GRM5: variants seen among roughly 807,000 people sequenced by gnomAD.
GRM5 encodes the protein glutamate metabotropic receptor 5, also known as metabotropic glutamate receptor 5.
A neutral mutation model predicts 83.1 loss-of-function variants in GRM5; 19 were observed. That is an observed-to-expected ratio of 0.23 (90% confidence interval 0.16 to 0.34). The LOEUF (loss-of-function observed/expected upper bound fraction) is 0.34, where lower values mean the gene tolerates loss of function less well. Ranked by LOEUF, GRM5 falls within the 10% of genes least tolerant of loss-of-function variation. The pLI is 1.00. For missense variants in GRM5, 1,160 were observed against 1,588.3 expected (o/e 0.73, Z 4.58); for synonymous variants, 675 against 633.6 (o/e 1.07, Z -0.98).
At chr11:88,679,044 T>G (rs569947581) in intron 3 of GRM5, among the ~76,000 whole-genome samples, 2 of 152,290 alleles carry the variant, frequency 1.3e-5, no homozygotes, top group African/African-American at 4.8e-5. Context: ...TGAAAATACA[T>G]GAAATGTAAA....
chr11:88,870,777 G>T (rs1394667199), intron 2 of GRM5, among the ~76,000 whole-genome samples: 1 of 151,480 alleles, frequency 6.6e-6, no homozygotes, highest in African/African-American at 2.4e-5. Context: ...GGCAGTGGGG[G>T]ATATGGGTGT....
At chr11:88,928,996 T>G (rs1400664268) in intron 2 of GRM5, among the ~76,000 whole-genome samples, 2 of 151,908 alleles carry the variant, frequency 1.3e-5, no homozygotes, top group Admixed American at 1.3e-4. Context: ...AGATTTAGTT[T>G]TAGACAATTT....
intron 2 of GRM5, among the ~76,000 whole-genome samples, chr11:88,877,761 C>T (rs1944881626): frequency 1.3e-5 from 2 of 148,986 alleles, no homozygotes; most frequent in African/African-American, 5.0e-5. Context: ...GCCCTGGAAG[C>T]AGAGATTGCA....
intron 3 of GRM5, among the ~76,000 whole-genome samples, chr11:88,831,459 A>G (rs189216804): frequency 6.6e-6 from 1 of 152,212 alleles, no homozygotes; most frequent in East Asian, 1.9e-4. Context: ...TGCCTCCCTA[A>G]CCAAGCATTC....
chr11:88,832,857 C>A (rs187450523), intron 3 of GRM5, among the ~76,000 whole-genome samples: 2 of 152,058 alleles, frequency 1.3e-5, no homozygotes, highest in African/African-American at 4.8e-5. Flanking sequence ...CAAGAATATT[C>A]AATGAGGAAA....
At chr11:88,977,125 C>T (rs1038049431) in intron 2 of GRM5, among the ~76,000 whole-genome samples, 41 of 151,134 alleles carry the variant, frequency 2.7e-4, no homozygotes, top group African/African-American at 9.7e-4. Flanking sequence ...AATGAAGGAA[C>T]ATTTTTAAAT....
chr11:88,600,873 G>A (rs1424671550), intron 5 of GRM5, among the ~76,000 whole-genome samples: 2 of 152,150 alleles, frequency 1.3e-5, no homozygotes, highest in African/African-American at 4.8e-5. Flanking sequence ...TTAAATGTGT[G>A]CTAAATTATC....
chr11:88,945,261 A>T (rs1271948120), intron 2 of GRM5, among the ~76,000 whole-genome samples: 2 of 152,064 alleles, frequency 1.3e-5, no homozygotes, highest in African/African-American at 4.8e-5. Flanking sequence ...AACAAATGAA[A>T]AAACATTTCA....
chr11:88,810,554 G>A (rs1237946704), intron 3 of GRM5, among the ~76,000 whole-genome samples: 1 of 152,018 alleles, frequency 6.6e-6, no homozygotes, highest in African/African-American at 2.4e-5. Context: ...GATCGGTCAG[G>A]GAGCTGTTAG....
intron 3 of GRM5, among the ~76,000 whole-genome samples, chr11:88,770,685 C>G (rs924137497): frequency 1.1e-4 from 17 of 152,040 alleles, no homozygotes; most frequent in African/African-American, 3.6e-4. Flanking sequence ...AGAATTTTAT[C>G]ACATGAAAGG....
At chr11:88,950,414 A>G (rs1266004090) in intron 2 of GRM5, among the ~76,000 whole-genome samples, 1 of 151,968 alleles carries the variant, frequency 6.6e-6, no homozygotes, top group Non-Finnish European at 1.5e-5. Flanking sequence ...TAAGTCAAAA[A>G]GAGCAAGACA....
intron 8 of GRM5, among the ~76,000 whole-genome samples, chr11:88,526,728 A>G (rs933929129): frequency 6.6e-6 from 1 of 151,908 alleles, no homozygotes; most frequent in African/African-American, 2.4e-5. Flanking sequence ...CTTCCTCTTA[A>G]TTTTTTTTCC....
intron 3 of GRM5, among the ~76,000 whole-genome samples, chr11:88,849,662 G>A (rs987928381): frequency 3.3e-5 from 5 of 152,108 alleles, no homozygotes; most frequent in African/African-American, 1.2e-4. Context: ...TACAGTCATG[G>A]TTTTTAGGAC....
At chr11:88,586,441 T>G (rs150821116) in intron 7 of GRM5, among the ~76,000 whole-genome samples, 6 of 152,276 alleles carry the variant, frequency 3.9e-5, no homozygotes, top group Non-Finnish European at 8.8e-5. Flanking sequence ...ATAGAAAGCA[T>G]TATATATGTA....
chr11:88,596,078 T>A (rs722197), intron 6 of GRM5, among the ~76,000 whole-genome samples: 7 of 152,034 alleles, frequency 4.6e-5, no homozygotes, highest in Non-Finnish European at 8.8e-5. Context: ...AACCAATCGC[T>A]TTTTCTCTAA....
intron 5 of GRM5, among the ~76,000 whole-genome samples, chr11:88,598,092 A>T (rs114735032): frequency 1.6e-4 from 25 of 152,168 alleles, no homozygotes; most frequent in African/African-American, 6.0e-4. Flanking sequence ...CAATTTGAGG[A>T]TATTGGATAA....
intron 3 of GRM5, among the ~76,000 whole-genome samples, chr11:88,718,506 A>C (rs2135391799): frequency 6.6e-6 from 1 of 152,150 alleles, no homozygotes; most frequent in South Asian, 2.1e-4. Context: ...GTGCAAATGT[A>C]TTCATATATT....
chr11:88,540,983 C>T (rs1028378911), intron 8 of GRM5, among the ~76,000 whole-genome samples: 4 of 151,998 alleles, frequency 2.6e-5, no homozygotes, highest in African/African-American at 9.7e-5. Context: ...ATCTCCTGAC[C>T]TTGTGATCCG....
intron 2 of GRM5, among the ~76,000 whole-genome samples, chr11:88,995,402 G>A (rs1286241298): frequency 6.6e-5 from 10 of 151,648 alleles, no homozygotes; most frequent in Admixed American, 2.0e-4. Context: ...AAAATTAGCC[G>A]GGCGTGTTTG....
Sources: allele counts gnomAD v4.1 joint callset (sites outside exome capture counted in the v4.1 genomes callset), GRCh38; gene constraint gnomAD v4.1.1; transcripts MANE v1.5; gene names NCBI Gene and HGNC (gene_info 2026-07-23, HGNC 2026-07-21).